SORL1: variants seen among roughly 807,000 people sequenced by gnomAD.
The protein encoded by SORL1 is sortilin-related receptor.
SORL1 carries 127 observed loss-of-function variants against 273.7 expected under a neutral mutation model. The ratio of observed to expected loss-of-function variants is 0.46; its 90% confidence interval spans 0.40 to 0.54. The LOEUF is 0.54. Among genes scored for constraint, SORL1 ranks in the 20% least tolerant of loss-of-function variants. The pLI, the probability that SORL1 is intolerant of heterozygous loss-of-function variation, is 0.00. For missense variants in SORL1, 2,494 were observed against 2,846.1 expected, an observed-to-expected ratio of 0.88 and a Z score of 2.81; for synonymous variants, 1,031 against 1,067.4, an observed-to-expected ratio of 0.97 and a Z score of 0.66.
chr11:121,618,988 TC>T, intron 42 of SORL1, 95 bp downstream of exon 42: 1 of 1,330,156 alleles, frequency 7.5e-7, no homozygotes, highest in Non-Finnish European at 1.1e-6. Context: ...ATACCTGGAC[TC>T]CAGGATTGAT....
At position 121,619,733 on chromosome 11, in the gene SORL1, C is replaced by T. The variant is rs757517205; in HGVS notation, c.5725-20C>T. 20 of 1,590,078 alleles carry T rather than the reference C, an allele frequency of 1.3e-5. No individual in the cohort carries two copies. Among genetic ancestry groups the T allele is most frequent in the Middle Eastern group, 1.7e-4 (1 of 5,982 alleles). ...AGGCCATGATGTATTTTTTTTCCTACGTGTGTGCTTGGGCTTCAGGTCCGT... is the reference window on the plus strand; with the variant it reads ...AGGCCATGATGTATTTTTTTTCCTATGTGTGTGCTTGGGCTTCAGGTCCGT... On this transcript the variant is annotated intron_variant, in intron 42 of 47. Transcript: ENST00000260197.
intron 19 of SORL1, 49 bp downstream of exon 19, chr11:121,557,454 A>G (rs777785317): frequency 7.6e-7 from 1 of 1,311,242 alleles, no homozygotes; most frequent in South Asian, 1.2e-5. Flanking sequence ...ATGCTACACT[A>G]ATAGATTCTC....
intron 24 of SORL1, among the ~76,000 whole-genome samples, chr11:121,575,608 G>A (rs1591334427): frequency 1.3e-5 from 2 of 152,250 alleles, no homozygotes; most frequent in East Asian, 1.9e-4. Flanking sequence ...CAGCAGAGCA[G>A]AGCCTAGGCC....
chr11:121,567,232 A>G (rs2134922391), intron 22 of SORL1, 119 bp downstream of exon 22: 2 of 911,648 alleles, frequency 2.2e-6, no homozygotes, highest in Non-Finnish European at 1.6e-6. Context: ...AAAAAGTCCA[A>G]GGTAAAAATC....
chr11:121,476,583 T>C (rs1325613817), intron 2 of SORL1, among the ~76,000 whole-genome samples: 2 of 152,300 alleles, frequency 1.3e-5, no homozygotes, highest in East Asian at 3.9e-4. Context: ...CTGTCTGGTG[T>C]CTAGACAATA....
At chr11:121,491,127 C>G (rs957374317) in intron 5 of SORL1, among the ~76,000 whole-genome samples, 3 of 152,126 alleles carry the variant, frequency 2.0e-5, no homozygotes, top group Admixed American at 1.3e-4. Flanking sequence ...CAATGTGGTG[C>G]TTGGGTAGAG....
intron 9 of SORL1, among the ~76,000 whole-genome samples, chr11:121,522,277 G>C (rs1862051122): frequency 6.6e-6 from 1 of 152,226 alleles, no homozygotes; most frequent in Non-Finnish European, 1.5e-5. Flanking sequence ...ATCTCTGAGT[G>C]ATAGGATGAG....
At chr11:121,580,551 T>A (rs1209106888) in intron 25 of SORL1, among the ~76,000 whole-genome samples, 1 of 151,982 alleles carries the variant, frequency 6.6e-6, no homozygotes, top group South Asian at 2.1e-4. Flanking sequence ...TTTTCTTCTC[T>A]GTCATTAATC....
At chr11:121,457,552 A>G (rs1375569013) in intron 1 of SORL1, among the ~76,000 whole-genome samples, 2 of 152,254 alleles carry the variant, frequency 1.3e-5, no homozygotes, top group Admixed American at 1.3e-4. Flanking sequence ...GCTCTAAATT[A>G]TATTTGTGAT....
chr11:121,462,758 T>C (rs1342319770), intron 1 of SORL1, among the ~76,000 whole-genome samples: 3 of 152,178 alleles, frequency 2.0e-5, no homozygotes, highest in Non-Finnish European at 2.9e-5. Context: ...CTAGTTTTTG[T>C]ATTTTTTGTA....
chr11:121,480,233 T>C (rs1017917027), intron 3 of SORL1, among the ~76,000 whole-genome samples: 5 of 152,198 alleles, frequency 3.3e-5, no homozygotes, highest in Non-Finnish European at 7.3e-5. Flanking sequence ...TAGCCAGATT[T>C]AACCATTAAA....
At chr11:121,601,583 GTT>G (rs11430505) in intron 32 of SORL1, among the ~76,000 whole-genome samples, 1 of 137,032 alleles carries the variant, frequency 7.3e-6, no homozygotes. Flanking sequence ...TTTAATGATT[GTT>G]TTTTTTTTTT....
intron 42 of SORL1, 116 bp downstream of exon 42, chr11:121,619,009 G>C (rs375176996): frequency 9.6e-7 from 1 of 1,046,496 alleles, no homozygotes; most frequent in Non-Finnish European, 1.4e-6. Context: ...TGTGTGTGAC[G>C]AGAGGCAACT....
intron 32 of SORL1, among the ~76,000 whole-genome samples, chr11:121,600,463 C>G (rs186889672): frequency 6.6e-6 from 1 of 152,212 alleles, no homozygotes; most frequent in African/African-American, 2.4e-5. Flanking sequence ...CCCACACTCA[C>G]CAAAATGACA....
rs1863204534 is a variant in SORL1, at chr11:121,591,008, T to G, written c.4221T>G (p.His1407Gln). The G allele has an allele frequency of 3.7e-6, 6 of 1,614,148 alleles. No homozygotes were observed. In the South Asian group the frequency reaches 6.6e-5, roughly 18 times the overall value. ...GCTTGGTGTTTTTCTCAGATTCACA[T>G]ATTCTTCCCTTCTCGACTCCTGGGC... Reference protein sequence around the residue: ...WSDEKDCGDSHILPFSTPGPS... With the variant: ...WSDEKDCGDSQILPFSTPGPS... The change falls in exon 31 of 48, where the codon CAT becomes CAG. Residue 1407 changes from histidine to glutamine, a missense_variant. By Grantham distance (24) the His-to-Gln change is conservative (BLOSUM62 0). Around this residue, in one of 3 missense-constraint regions of SORL1, gnomAD observed 1,609 missense variants for 1,816.4 expected, o/e 0.89. Coordinates refer to ENST00000260197, the MANE Select transcript of SORL1 (RefSeq NM_003105.6).
At chr11:121,533,336 C>T (rs967042201) in intron 12 of SORL1, among the ~76,000 whole-genome samples, 1 of 152,110 alleles carries the variant, frequency 6.6e-6, no homozygotes, top group Admixed American at 6.5e-5. Context: ...AAGTAACTTG[C>T]CCAGGGTCAT....
chr11:121,605,008 C>G, intron 33 of SORL1, 105 bp from the exon 34 acceptor site: 1 of 867,822 alleles, frequency 1.2e-6, no homozygotes. Context: ...TGAGCTCAGG[C>G]AATTTGCCCG....
At chr11:121,487,379 A>G (rs920097323) in intron 3 of SORL1, among the ~76,000 whole-genome samples, 1 of 152,208 alleles carries the variant, frequency 6.6e-6, no homozygotes, top group Admixed American at 6.5e-5. Flanking sequence ...TAAATTGTTC[A>G]GATTCACTCA....
At chr11:121,605,266 T>C (rs982954465) in intron 34 of SORL1, 27 bp downstream of exon 34, 1 of 1,601,168 alleles carries the variant, frequency 6.2e-7, no homozygotes, top group Non-Finnish European at 8.5e-7. Flanking sequence ...TCATGGGAGA[T>C]GAAAATGATG....
Sources: gnomAD v4.1 joint callset for allele counts (sites outside exome capture counted in the v4.1 genomes callset) on GRCh38, gnomAD v4.1.1 for gene constraint, gnomAD v4.1.1 regional missense constraint, MANE v1.5 for transcripts, NCBI Gene and HGNC (gene_info 2026-07-23, HGNC 2026-07-21) for gene names.